The following ADAMTSL1 variants were observed in gnomAD, a reference collection of about 807,000 sequenced individuals.
ADAMTSL1 encodes the protein ADAMTS like 1.
In ADAMTSL1, 126 loss-of-function variants were observed where a neutral mutation model predicts 201.8. The ratio of observed to expected loss-of-function variants is 0.62; its 90% CI spans 0.54 to 0.72. ADAMTSL1 has a LOEUF of 0.72. Among genes scored for constraint, ADAMTSL1 ranks in the 30% least tolerant of loss-of-function variants. The pLI, the probability that ADAMTSL1 is intolerant of heterozygous loss-of-function variation, is 0.00. For synonymous variants in ADAMTSL1, 1,121 were observed against 903.4 expected (o/e 1.24, Z -4.32); for missense variants, 2,679 against 2,277.8 (o/e 1.18, Z -3.59).
chr9:18,638,987 C>G (rs1022379024), intron 6 of ADAMTSL1, among the ~76,000 whole-genome samples: 1 of 152,092 alleles, frequency 6.6e-6, no homozygotes, highest in Non-Finnish European at 1.5e-5. Context: ...GCCCAAATAA[C>G]ATCATCTGGA....
At chr9:18,544,607 T>A (rs1820363497) in intron 3 of ADAMTSL1, among the ~76,000 whole-genome samples, 1 of 152,198 alleles carries the variant, frequency 6.6e-6, no homozygotes, top group Non-Finnish European at 1.5e-5. Flanking sequence ...GAGCTGGCAT[T>A]CCTGGCCTGA....
At chr9:18,212,017 C>T (rs138405113) in intron 2 of ADAMTSL1, among the ~76,000 whole-genome samples, 3,082 of 152,196 alleles carry the variant, frequency 0.02, 50 homozygotes, top group Non-Finnish European at 0.031. Flanking sequence ...AGGACAGAAC[C>T]TGGGACTCTC....
chr9:18,474,431 T>C (rs1821350915), intron 1 of ADAMTSL1, 136 bp downstream of exon 1: 10 of 893,866 alleles, frequency 1.1e-5, no homozygotes, highest in Non-Finnish European at 1.6e-5. Context: ...TTTACACGAT[T>C]ACAAAGAGAG....
chr9:18,697,296 G>T (rs1427797456), intron 13 of ADAMTSL1, among the ~76,000 whole-genome samples: 5 of 152,164 alleles, frequency 3.3e-5, no homozygotes, highest in Non-Finnish European at 7.3e-5. Context: ...AAAACCATTT[G>T]CAGTGCCATG....
intron 2 of ADAMTSL1, among the ~76,000 whole-genome samples, chr9:18,393,322 T>G (rs1189220511): frequency 6.6e-6 from 1 of 152,186 alleles, no homozygotes; most frequent in Non-Finnish European, 1.5e-5. Flanking sequence ...ATGTATTACT[T>G]CCTCAAATGT....
Position 18,444,196 on chromosome 9 carries a change from GT to G in ADAMTSL1, c.208-60628del, listed in dbSNP as rs2133467217. On this transcript the variant is annotated intron_variant, in intron 2 of 29. Transcript: ENST00000680146. The stretch of plus-strand genomic sequence containing the variant: ...AATTCTTAGAATCTTTATTTTTTTA[GT>G]TTTTGCAGTGAATGAGAAAAGAAAA... 1.3e-5 allele frequency among the ~76,000 whole-genome samples: 2 copies of G among 152,226 alleles called. 1 individual carries two copies. The highest frequency in any genetic ancestry group is 3.9e-4 in the East Asian group (2 of 5,188).
chr9:18,002,002 T>C (rs1819630590), intron 1 of ADAMTSL1, among the ~76,000 whole-genome samples: 1 of 151,932 alleles, frequency 6.6e-6, no homozygotes, highest in South Asian at 2.1e-4. Context: ...TAAGGGCAGT[T>C]GGCTCACAGC....
At chr9:18,831,882 T>G (rs1292110340) in intron 23 of ADAMTSL1, among the ~76,000 whole-genome samples, 1 of 152,010 alleles carries the variant, frequency 6.6e-6, no homozygotes, top group Non-Finnish European at 1.5e-5. Flanking sequence ...CTCTGAGAAG[T>G]AGGTTGAGAC....
intron 2 of ADAMTSL1, among the ~76,000 whole-genome samples, chr9:18,436,208 G>C (rs1194904147): frequency 6.6e-6 from 1 of 152,110 alleles, no homozygotes; most frequent in Admixed American, 6.5e-5. Context: ...GAAGAAGATT[G>C]TGCAGGACTG....
intron 1 of ADAMTSL1, among the ~76,000 whole-genome samples, chr9:18,040,339 T>G (rs1192361279): frequency 6.6e-6 from 1 of 152,160 alleles, no homozygotes; most frequent in Non-Finnish European, 1.5e-5. Context: ...CATGAGCAGA[T>G]AAGGAGAACT....
At chr9:18,110,473 G>A (rs1203091069) in intron 1 of ADAMTSL1, among the ~76,000 whole-genome samples, 1 of 152,160 alleles carries the variant, frequency 6.6e-6, no homozygotes, top group Non-Finnish European at 1.5e-5. Context: ...AAAGCCCTAA[G>A]ATAACTTCTT....
chr9:18,606,249 A>C (rs1825005999), intron 4 of ADAMTSL1, among the ~76,000 whole-genome samples: 1 of 152,184 alleles, frequency 6.6e-6, no homozygotes, highest in South Asian at 2.1e-4. Flanking sequence ...CATTGAAAAT[A>C]AATTTTCAAG....
chr9:18,254,470 C>G (rs1303735397), intron 2 of ADAMTSL1, among the ~76,000 whole-genome samples: 2 of 145,998 alleles, frequency 1.4e-5, no homozygotes, highest in African/African-American at 5.1e-5. Flanking sequence ...TCACGCCGTT[C>G]TCCTGCCTCA....
intron 2 of ADAMTSL1, among the ~76,000 whole-genome samples, chr9:18,439,952 C>T (rs1010745327): frequency 7.2e-5 from 11 of 152,196 alleles, no homozygotes; most frequent in African/African-American, 2.7e-4. Context: ...TAGTACACTA[C>T]TTCACACCAT....
intron 2 of ADAMTSL1, among the ~76,000 whole-genome samples, chr9:18,258,188 A>C (rs139642148): frequency 6.6e-4 from 100 of 152,380 alleles, no homozygotes; most frequent in African/African-American, 2.2e-3. Flanking sequence ...TACACTTAAA[A>C]ATAGGCAAAA....
At chr9:18,079,538 C>T (rs551573336) in intron 1 of ADAMTSL1, among the ~76,000 whole-genome samples, 18 of 151,824 alleles carry the variant, frequency 1.2e-4, no homozygotes, top group African/African-American at 2.4e-4. Context: ...AAAAATTAGC[C>T]GGGCATGGTG....
intron 1 of ADAMTSL1, among the ~76,000 whole-genome samples, chr9:17,965,166 A>T (rs776288401): frequency 2.6e-5 from 4 of 152,210 alleles, no homozygotes; most frequent in African/African-American, 7.2e-5. Flanking sequence ...CTTGTAATTT[A>T]TATTTCTTTT....
At chr9:18,260,100 A>G (rs985730828) in intron 2 of ADAMTSL1, among the ~76,000 whole-genome samples, 1 of 152,190 alleles carries the variant, frequency 6.6e-6, no homozygotes, top group African/African-American at 2.4e-5. Context: ...TCACACTATT[A>G]TGTATTGTTT....
At chr9:18,093,890 G>A (rs1437916021) in intron 1 of ADAMTSL1, among the ~76,000 whole-genome samples, 1 of 152,116 alleles carries the variant, frequency 6.6e-6, no homozygotes, top group African/African-American at 2.4e-5. Context: ...AGAGAAATAT[G>A]GGAAGGTCAT....
Sources: allele counts gnomAD v4.1 joint callset (sites outside exome capture counted in the v4.1 genomes callset), GRCh38; gene constraint gnomAD v4.1.1; transcripts MANE v1.5; gene names NCBI Gene and HGNC (gene_info 2026-07-23, HGNC 2026-07-21).